The following IL22 variants were observed in gnomAD, a reference collection of about 807,000 sequenced individuals.
IL22 encodes interleukin-22.
Under a neutral mutation model 15.5 loss-of-function variants are expected in IL22, and 15 were observed. The observed-to-expected ratio is 0.97, with a 90% CI of 0.65 to 1.49. The LOEUF is 1.49. Ranked by LOEUF, IL22 falls within the 40% of genes most tolerant of loss-of-function variation. IL22 has a pLI of 0.00. For missense variants in IL22, 225 were observed against 215.4 expected (o/e 1.04, Z -0.28); for synonymous variants, 91 against 82.0 (o/e 1.11, Z -0.60).
chr12:68,251,055 T>C (rs1160605287), intron 5 of IL22, among the ~76,000 whole-genome samples: 1 of 152,226 alleles, frequency 6.6e-6, no homozygotes, highest in African/African-American at 2.4e-5. Context: ...AATGCATTAA[T>C]GACTTCAAAA....
chr12:68,252,532 G>T lies in IL22; in HGVS notation c.368C>A (p.Ala123Asp), dbSNP rs1185739311. 3.7e-6 allele frequency: 6 copies of T among 1,613,874 alleles called. No homozygotes were observed. The highest frequency in any genetic ancestry group is 1.7e-5 in the Admixed American group (1 of 59,988). ...PYMQEVVPFL[A>D]RLSNRLSTCH... ...TGTGCTTAGCCTGTTGCTGAGCCTG[G>T]CCAGGAAGGGCACCACCTCCTGCAT... Residue 123 changes from alanine to aspartate, a missense_variant, in exon 4 of 6, where the codon GCC becomes GAC. Physicochemically the swap from Ala to Asp is moderately radical, Grantham distance 126. Coordinates refer to ENST00000538666, the MANE Select transcript of IL22 (RefSeq NM_020525.5).
chr12:68,251,543 A>G lies in IL22; in HGVS notation c.432T>C (p.Asn144=), dbSNP rs746705713. 72 of 1,612,948 alleles carry G rather than the reference A, an allele frequency of 4.5e-5. 2 individuals are homozygous for G. The Middle Eastern group carries it at 5.3e-3, about 118-fold the overall frequency. ...IEGDDLHIQR[N]VQKLKDTVKK... ...TCACTGTGTCCTTCAGCTTTTGCACATTCCTCTGGATATGCAGGTCATCAC... is the reference window on the plus strand; with the variant it reads ...TCACTGTGTCCTTCAGCTTTTGCACGTTCCTCTGGATATGCAGGTCATCAC... Residue 144 remains asparagine, a synonymous_variant, in exon 5 of 6, where the codon AAT becomes AAC. Coordinates refer to ENST00000538666, the MANE Select transcript of IL22 (RefSeq NM_020525.5).
At chr12:68,252,071 C>T (rs928128219) in intron 4 of IL22, among the ~76,000 whole-genome samples, 1 of 152,126 alleles carries the variant, frequency 6.6e-6, no homozygotes, top group Non-Finnish European at 1.5e-5. Context: ...ATGACATCAA[C>T]AGGGCAACAG....
chr12:68,250,008 G>A lies in IL22; in HGVS notation c.463-1132C>T, dbSNP rs976746. ...CCTGCGTTCTGCTTTTACCCCCAACGAGAGGGAATTAATGCCTCCCAAAAC... is the reference window on the plus strand; with the variant it reads ...CCTGCGTTCTGCTTTTACCCCCAACAAGAGGGAATTAATGCCTCCCAAAAC... On this transcript the variant is annotated intron_variant, in intron 5 of 5. Coordinates refer to ENST00000538666, the MANE Select transcript of IL22 (RefSeq NM_020525.5). Among the ~76,000 whole-genome samples, 1,211 of 152,110 alleles carry A rather than the reference G, an allele frequency of 8.0e-3. 15 individuals carry two copies. Among genetic ancestry groups the A allele is most frequent in the African/African-American group, 0.028 (1,150 of 41,484 alleles).
In IL22 at chr12:68,248,708, C is replaced by T; in HGVS notation, c.*91G>A. 1 of 1,000,812 alleles carries T rather than the reference C, an allele frequency of 1.0e-6. No homozygotes were observed. The highest frequency in any genetic ancestry group is 2.1e-5 in the Admixed American group (1 of 48,750). The allele number at this position is 1,000,812 out of a possible 1,614,324, so 62.0% of individuals were successfully genotyped here. ...TGATGGAGTTTGGCTTCCCATCTTC[C>T]TTTTGGTTAAAAAAAATCGCTTTGG... On this transcript the variant is annotated 3_prime_UTR_variant, in exon 6 of 6. Transcript: ENST00000538666.
intron 5 of IL22, among the ~76,000 whole-genome samples, chr12:68,249,253 G>A (rs1364390988): frequency 1.3e-5 from 2 of 152,196 alleles, no homozygotes; most frequent in Admixed American, 6.6e-5. Context: ...AACTATCTAT[G>A]ACAGATTACT....
chr12:68,252,162 C>T (rs1869953979), intron 4 of IL22, among the ~76,000 whole-genome samples: 1 of 152,174 alleles, frequency 6.6e-6, no homozygotes, highest in African/African-American at 2.4e-5. Context: ...CCCCTCCCCT[C>T]AACAACTTAG....
intron 4 of IL22, 45 bp downstream of exon 4, chr12:68,252,459 G>A (rs1378722396): frequency 1.2e-6 from 2 of 1,602,666 alleles, no homozygotes; most frequent in East Asian, 2.2e-5. Context: ...TCTGTGGAAG[G>A]AGGGAAGGAG....
At position 68,252,508 on chromosome 12, in the gene IL22, G is replaced by A; in HGVS notation, c.392C>T (p.Thr131Ile). ...TAGGCTGAGAGCTGAACTTACACATGTGCTTAGCCTGTTGCTGAGCCTGGC... is the reference window on the plus strand; with the variant it reads ...TAGGCTGAGAGCTGAACTTACACATATGCTTAGCCTGTTGCTGAGCCTGGC... ...FLARLSNRLS[T>I]CHIEGDDLHI... The change falls in exon 4 of 6, where the codon ACA becomes ATA. Residue 131 changes from threonine to isoleucine, a missense_variant. Coordinates refer to ENST00000538666, the MANE Select transcript of IL22 (RefSeq NM_020525.5). The A allele has an allele frequency of 1.2e-6, 2 of 1,613,776 alleles. No individual in the cohort carries two copies. The highest frequency in any genetic ancestry group is 1.7e-6 in the Non-Finnish European group (2 of 1,179,898).
Position 68,248,728 on chromosome 12 carries a change from C to A in IL22, c.*71G>T. Reference sequence around the variant, plus strand: ...TCTTCCTTTTGGTTAAAAAAAATCGCTTTGGGGCATCTAATTGTTATTTCT... The same window carrying A: ...TCTTCCTTTTGGTTAAAAAAAATCGATTTGGGGCATCTAATTGTTATTTCT... On this transcript the variant is annotated 3_prime_UTR_variant, in exon 6 of 6. Transcript: ENST00000538666. The A allele has an allele frequency of 2.3e-6, 3 of 1,283,716 alleles. No individual in the cohort carries two copies. The highest frequency in any genetic ancestry group is 3.3e-6 in the Non-Finnish European group (3 of 897,752). 79.5% of individuals were successfully genotyped at this position (1,283,716 alleles called of 1,614,324 possible).
intron 2 of IL22, 74 bp downstream of exon 2, chr12:68,253,189 C>A (rs1451968973): frequency 7.6e-7 from 1 of 1,308,378 alleles, no homozygotes; most frequent in Non-Finnish European, 1.1e-6. Flanking sequence ...CTTAGAGATG[C>A]TCTGAAGAAA....
chr12:68,251,378 A>T (rs1367218394), intron 5 of IL22, 135 bp downstream of exon 5: 7 of 687,288 alleles, frequency 1.0e-5, no homozygotes, highest in Non-Finnish European at 1.9e-5. Context: ...CTACATACAC[A>T]GACACCAAAG....
intron 2 of IL22, 55 bp from the exon 3 acceptor site, chr12:68,252,884 T>A: frequency 7.1e-7 from 1 of 1,406,910 alleles, no homozygotes; most frequent in Non-Finnish European, 1.0e-6. Flanking sequence ...GAAAAAAAAT[T>A]TATACATAGA....
chr12:68,253,284 G>A lies in IL22; in HGVS notation c.165C>T (p.Arg55=). The change falls in exon 2 of 6, where the codon CGC becomes CGT. Residue 55 remains arginine, a synonymous_variant. Transcript: ENST00000538666. ...SNFQQPYITN[R]TFMLAKEASL... is the part of the protein sequence containing the mutation. ...ATACCTCCTTAGCCAGCATGAAGGT[G>A]CGGTTGGTGATATAGGGCTGCTGGA... The A allele has an allele frequency of 1.9e-6, 3 of 1,613,620 alleles. No individual in the cohort carries two copies. Among genetic ancestry groups the A allele is most frequent in the Non-Finnish European group, 2.5e-6 (3 of 1,179,730 alleles).
At position 68,253,576 on chromosome 12, in the gene IL22, C is replaced by G. The variant is rs1870017852; in HGVS notation, c.-47+7G>C. 1.5e-6 allele frequency: 1 copy of G among 646,622 alleles called. No individual in the cohort carries two copies. Among genetic ancestry groups the G allele is most frequent in the African/African-American group, 1.9e-5 (1 of 53,532 alleles). The allele number at this position is 646,622 out of a possible 1,614,324, so 40.1% of individuals were successfully genotyped here. ...ACCAATTGTACCAAGTTTGCCGAAA[C>G]GCTTACCTGTTCTGAAGATTCTGCT... On this transcript the variant is annotated splice_region_variant and intron_variant, in intron 1 of 5. Transcript: ENST00000538666.
At position 68,248,313 on chromosome 12, in the gene IL22, A is replaced by G. The variant is rs184126213; in HGVS notation, c.*486T>C. ...TCTATAATTATTGTCATAAATATCAATATTAGCCTTACACTCAAGTAGCAA... is the reference window on the plus strand; with the variant it reads ...TCTATAATTATTGTCATAAATATCAGTATTAGCCTTACACTCAAGTAGCAA... On this transcript the variant is annotated 3_prime_UTR_variant, in exon 6 of 6. Transcript: ENST00000538666. 3 of 152,480 alleles carry G rather than the reference A, an allele frequency of 2.0e-5. No homozygotes were observed. Among genetic ancestry groups the G allele is most frequent in the East Asian group, 3.7e-4 (2 of 5,334 alleles). 9.4% of individuals were successfully genotyped at this position (152,480 alleles called of 1,614,324 possible).
intron 4 of IL22, 121 bp downstream of exon 4, chr12:68,252,383 G>A: frequency 3.0e-6 from 3 of 985,886 alleles, no homozygotes; most frequent in Non-Finnish European, 3.1e-6. Context: ...TAACACTGCT[G>A]CCAAGACACT....
rs369720988 is a variant in IL22 at position 68,253,443 on chromosome 12, G to A, written c.6C>T (p.Ala2=). ...AAGAGCTCACAGATTTCTGCAGGGC[G>A]GCCATTGCAGACAATTCTAACTCGA... M[A]ALQKSVSSFL... The change falls in exon 2 of 6, where the codon GCC becomes GCT. Residue 2 remains alanine, a synonymous_variant. Transcript: ENST00000538666. 24 of 1,594,200 alleles carry A rather than the reference G, an allele frequency of 1.5e-5. 1 individual carries two copies. The highest frequency in any genetic ancestry group is 3.5e-4 in the Middle Eastern group (2 of 5,690).
intron 2 of IL22, 89 bp downstream of exon 2, chr12:68,253,174 A>T (rs1869999985): frequency 8.7e-7 from 1 of 1,150,674 alleles, no homozygotes; most frequent in South Asian, 1.8e-5. Context: ...TGGGTTCCTA[A>T]AGCTCTTAGA....
Sources: allele counts gnomAD v4.1 joint callset (sites outside exome capture counted in the v4.1 genomes callset), GRCh38; gene constraint gnomAD v4.1.1; transcripts MANE v1.5; gene names NCBI Gene and HGNC (gene_info 2026-07-23, HGNC 2026-07-21).